FANK1: variants seen among roughly 807,000 people sequenced by gnomAD.
FANK1 encodes fibronectin type 3 and ankyrin repeat domains protein 1.
A neutral mutation model predicts 45.3 loss-of-function variants in FANK1; 44 were observed. The ratio of observed to expected loss-of-function variants is 0.97; its 90% CI spans 0.76 to 1.25. The LOEUF (loss-of-function observed/expected upper bound fraction) is 1.25, where lower values mean the gene tolerates loss of function less well. Among genes scored for constraint, FANK1 ranks in the 50% most tolerant of loss-of-function variants. The probability of loss-of-function intolerance (pLI) is 0.00; values close to 1 mark genes in which losing one functional copy is unlikely to be tolerated. For missense variants in FANK1, 391 were observed against 424.4 expected (o/e 0.92, Z 0.69); for synonymous variants, 149 against 152.5 (o/e 0.98, Z 0.17).
intron 1 of FANK1, among the ~76,000 whole-genome samples, chr10:125,970,666 C>T (rs1950460206): frequency 6.6e-6 from 1 of 152,180 alleles, no homozygotes; most frequent in Non-Finnish European, 1.5e-5. Flanking sequence ...ATACAAAAAC[C>T]AGTCAGGCGT....
chr10:125,997,315 G>T, intron 5 of FANK1, 105 bp from the exon 6 acceptor site: 1 of 839,604 alleles, frequency 1.2e-6, no homozygotes, highest in Non-Finnish European at 1.8e-6. Flanking sequence ...AGAAACTGTT[G>T]AAAGATACAT....
intron 7 of FANK1, among the ~76,000 whole-genome samples, chr10:126,005,307 CTTT>C (rs35163273): frequency 1.1e-4 from 13 of 122,258 alleles, no homozygotes; most frequent in Non-Finnish European, 7.0e-5. Context: ...TACTTTCTTT[CTTT>C]TTTTTTTTTT....
At chr10:125,989,041 T>C (rs1489000670) in intron 3 of FANK1, among the ~76,000 whole-genome samples, 1 of 152,104 alleles carries the variant, frequency 6.6e-6, no homozygotes, top group Non-Finnish European at 1.5e-5. Context: ...GGCAAGCAGC[T>C]CCATTCAGTG....
At chr10:126,000,634 G>A (rs1952688203) in intron 6 of FANK1, among the ~76,000 whole-genome samples, 1 of 151,966 alleles carries the variant, frequency 6.6e-6, no homozygotes, top group Admixed American at 6.6e-5. Context: ...AAAACACAGA[G>A]GCATAATTAT....
chr10:125,951,488 C>T (rs1243460769), intron 1 of FANK1, among the ~76,000 whole-genome samples: 5 of 152,126 alleles, frequency 3.3e-5, no homozygotes, highest in South Asian at 2.1e-4. Context: ...TACTTAGGGA[C>T]GGAAGTCAAC....
chr10:125,910,698 C>G (rs896752673), intron 1 of FANK1, among the ~76,000 whole-genome samples: 19 of 152,194 alleles, frequency 1.2e-4, no homozygotes, highest in African/African-American at 4.3e-4. Context: ...TGATGGACAT[C>G]CAGTTTGTTT....
At chr10:125,923,857 TC>T (rs1295709213) in intron 1 of FANK1, among the ~76,000 whole-genome samples, 1 of 152,208 alleles carries the variant, frequency 6.6e-6, no homozygotes. Flanking sequence ...TCAGAGTCTT[TC>T]TATCTGTAGT....
At chr10:125,898,951 G>C (rs1490570785) in intron 1 of FANK1, among the ~76,000 whole-genome samples, 1 of 147,694 alleles carries the variant, frequency 6.8e-6, no homozygotes, top group African/African-American at 2.5e-5. Flanking sequence ...CTGGAGTATA[G>C]TGGTGCGATC....
chr10:125,920,593 A>G (rs1422232160), intron 1 of FANK1, among the ~76,000 whole-genome samples: 1 of 152,216 alleles, frequency 6.6e-6, no homozygotes, highest in African/African-American at 2.4e-5. Context: ...ATTGATATAA[A>G]TTGTTAAAAA....
rs1564856257 is a variant in FANK1 at position 125,907,582 on chromosome 10, G to A, written c.13+10927G>A. On this transcript the variant is annotated intron_variant, in intron 1 of 10. Coordinates refer to ENST00000368693, the MANE Select transcript of FANK1 (RefSeq NM_145235.5). ...GTTGTTACTCCTGGGATGTGTGTGT[G>A]TGTGTGTGTGTGTATGTGTGTGTGT... The A allele has an allele frequency of 1.4e-4, 126 of 871,834 alleles. 1 individual carries two copies. In the South Asian group the frequency reaches 5.6e-3, roughly 39 times the overall value. 54.0% of individuals were successfully genotyped at this position (871,834 alleles called of 1,614,324 possible).
intron 1 of FANK1, among the ~76,000 whole-genome samples, chr10:125,928,741 G>T (rs2134139090): frequency 6.6e-6 from 1 of 152,170 alleles, no homozygotes; most frequent in East Asian, 1.9e-4. Flanking sequence ...TTTTAATACT[G>T]GTCATTTAGT....
intron 1 of FANK1, among the ~76,000 whole-genome samples, chr10:125,919,701 A>G (rs1296681760): frequency 6.6e-6 from 1 of 152,192 alleles, no homozygotes; most frequent in East Asian, 1.9e-4. Flanking sequence ...AAGTGCATCA[A>G]AGGGGTGGAA....
chr10:125,938,492 G>A (rs1441635182), intron 1 of FANK1, among the ~76,000 whole-genome samples: 3 of 152,160 alleles, frequency 2.0e-5, no homozygotes, highest in African/African-American at 7.2e-5. Flanking sequence ...GGTGTGCCAC[G>A]AAAGCAAAGA....
intron 1 of FANK1, among the ~76,000 whole-genome samples, chr10:125,962,508 G>T (rs1009274320): frequency 6.6e-6 from 1 of 152,000 alleles, no homozygotes; most frequent in South Asian, 2.1e-4. Flanking sequence ...TTTATTCTCA[G>T]TCATTTTTTC....
At chr10:125,931,609 G>A (rs530343936) in intron 1 of FANK1, among the ~76,000 whole-genome samples, 1 of 152,258 alleles carries the variant, frequency 6.6e-6, no homozygotes, top group East Asian at 1.9e-4. Flanking sequence ...CTGGATATTA[G>A]TCCTTCGTCA....
intron 3 of FANK1, among the ~76,000 whole-genome samples, chr10:125,993,803 CTG>C (rs1348119014): frequency 5.3e-5 from 8 of 152,254 alleles, no homozygotes; most frequent in African/African-American, 1.4e-4. Context: ...TAAAAAAAGT[CTG>C]TAAGAGATTG....
At position 125,927,610 on chromosome 10, in the gene FANK1, C is replaced by T. The variant is rs182274250; in HGVS notation, c.13+30955C>T. ...TGTCGCCCAAGCTGGAGTGCAATGG[C>T]GCAATCTCAGCTCACTGCAACCTCC... On this transcript the variant is annotated intron_variant, in intron 1 of 10. Transcript: ENST00000368693. Among the ~76,000 whole-genome samples the T allele has an allele frequency of 3.2e-4, 49 of 151,884 alleles. No homozygotes were observed. In the East Asian group the frequency reaches 6.4e-3, roughly 20 times the overall value.
chr10:125,990,663 G>C (rs7914095), intron 3 of FANK1, among the ~76,000 whole-genome samples: 97,519 of 151,954 alleles, frequency 0.64, 31,843 homozygotes, highest in East Asian at 0.77. Flanking sequence ...GCTTCTGGCC[G>C]TCCTAGCCTG....
At chr10:125,937,905 C>A (rs1196366032) in intron 1 of FANK1, among the ~76,000 whole-genome samples, 1 of 152,078 alleles carries the variant, frequency 6.6e-6, no homozygotes, top group African/African-American at 2.4e-5. Context: ...GCTGCTAAAC[C>A]ACGCTAATGT....
Sources: gnomAD v4.1 joint callset for allele counts (sites outside exome capture counted in the v4.1 genomes callset) on GRCh38, gnomAD v4.1.1 for gene constraint, MANE v1.5 for transcripts, NCBI Gene and HGNC (gene_info 2026-07-23, HGNC 2026-07-21) for gene names.